GRIK5: variants seen among roughly 807,000 people sequenced by gnomAD.
The protein encoded by GRIK5 is glutamate receptor ionotropic, kainate 5.
A neutral mutation model predicts 97.4 loss-of-function variants in GRIK5; 43 were observed. The observed-to-expected ratio is 0.44, with a 90% confidence interval of 0.35 to 0.57. GRIK5 has a LOEUF of 0.57. Ranked by LOEUF, GRIK5 falls within the 20% of genes least tolerant of loss-of-function variation. GRIK5 has a pLI of 0.01. For synonymous variants in GRIK5, 580 were observed against 583.5 expected (o/e 0.99, Z 0.09); for missense variants, 1,015 against 1,382.0 (o/e 0.73, Z 4.21).
chr19:42,042,712 G>A lies in GRIK5; in HGVS notation c.1313C>T (p.Ser438Leu), dbSNP rs757841559. The change falls in exon 12 of 20, where the codon TCG (serine) becomes TTG (leucine). Residue 438 changes from serine to leucine, a missense_variant. Around this residue, in one of 5 missense-constraint regions of GRIK5, gnomAD observed 477 missense variants for 701.1 expected, o/e 0.68. Coordinates refer to ENST00000593562, the MANE Select transcript of GRIK5 (RefSeq NM_002088.5). The surrounding 1 kb of genome is among the most constrained non-coding windows in gnomAD (Gnocchi z 6.9). ...GAAGCCCTCGAAGCGTTCGTTCCCC[G>A]ACAGGGCCTGGAAGTTGGGCCGGCG... ...VMRRPNFQAL[S>L]GNERFEGFCV... 12 of 1,613,582 alleles carry A rather than the reference G, an allele frequency of 7.4e-6. No individual in the cohort carries two copies. Among genetic ancestry groups the A allele is most frequent in the Admixed American group, 1.7e-5 (1 of 59,984 alleles).
intron 15 of GRIK5, among the ~76,000 whole-genome samples, chr19:42,016,402 C>T (rs1382290006): frequency 1.8e-4 from 28 of 152,168 alleles, no homozygotes; most frequent in Admixed American, 1.8e-3. Context: ...GCCTGGGCAA[C>T]AAGAGCAAAA....
intron 12 of GRIK5, among the ~76,000 whole-genome samples, chr19:42,036,893 C>A (rs1568908253): frequency 6.6e-6 from 1 of 152,212 alleles, no homozygotes; most frequent in East Asian, 1.9e-4. Flanking sequence ...GTGCTGATCT[C>A]ATCTGTCCCC....
At position 42,065,639 on chromosome 19, in the gene GRIK5, CAG is replaced by C. The variant is rs1749224585; in HGVS notation, c.79+51_79+52del. 1 of 1,436,386 alleles carries C rather than the reference CAG, an allele frequency of 7.0e-7. No homozygotes were observed. The highest frequency in any genetic ancestry group is 9.5e-7 in the Non-Finnish European group (1 of 1,056,266). The allele number at this position is 1,436,386 out of a possible 1,614,324, so 89.0% of individuals were successfully genotyped here. On this transcript the variant is annotated intron_variant, in intron 2 of 19. Transcript: ENST00000593562. This position sits in a 1 kb window ranked among gnomAD's most constrained non-coding sequence, Gnocchi z 5.8. ...TGACGGACTGGCATGCCTGGGTCCC[CAG>C]AGGAGCCCCAGGGCCTGAGGATGCA...
intron 12 of GRIK5, among the ~76,000 whole-genome samples, chr19:42,029,918 G>A (rs553610819): frequency 6.6e-6 from 1 of 152,276 alleles, no homozygotes; most frequent in East Asian, 1.9e-4. Flanking sequence ...CCCCTCCTCA[G>A]CAGTCTGTCT....
chr19:42,029,678 G>A (rs1223472811), intron 12 of GRIK5, among the ~76,000 whole-genome samples: 3 of 152,120 alleles, frequency 2.0e-5, no homozygotes, highest in East Asian at 3.9e-4. Context: ...AATACTTTGC[G>A]AATGAATCTC....
At chr19:42,015,779 C>T (rs1418064820) in intron 15 of GRIK5, among the ~76,000 whole-genome samples, 1 of 152,142 alleles carries the variant, frequency 6.6e-6, no homozygotes, top group African/African-American at 2.4e-5. Context: ...CCCCCTCTGT[C>T]CTCCCTCCTG....
At chr19:42,047,972 C>CAAAAAAAAAAAAAAAAAAAAAA (rs552963887) in intron 11 of GRIK5, among the ~76,000 whole-genome samples, 1 of 54,952 alleles carries the variant, frequency 1.8e-5, no homozygotes, top group Non-Finnish European at 3.5e-5. Context: ...GACTCTGTCT[C>CAAAAAAAAAAAAAAAAAAAAAA]AAAAAAAAAA....
At position 42,048,009 on chromosome 19, in the gene GRIK5, G is replaced by C. The variant is rs970840429; in HGVS notation, c.1270-5254C>G. ...AAAAAAAAAGAAAAAAATGTATTTT[G>C]ACTCCCCTACCTCACATGCTACATA... is the stretch of plus-strand genomic sequence containing the variant. On this transcript the variant is annotated intron_variant, in intron 11 of 19. Transcript: ENST00000593562. Among the ~76,000 whole-genome samples the C allele has an allele frequency of 6.9e-5, 10 of 145,746 alleles. No homozygotes were observed. The Admixed American group carries it at 6.9e-4, about 10-fold the overall frequency.
chr19:42,004,150 G>A (rs782451924), intron 17 of GRIK5, among the ~76,000 whole-genome samples: 44 of 152,134 alleles, frequency 2.9e-4, no homozygotes, highest in Non-Finnish European at 4.7e-4. Context: ...GGCACCAAGC[G>A]CCCCACTCCC....
chr19:42,027,252 G>A (rs1281505897), intron 12 of GRIK5, among the ~76,000 whole-genome samples: 3 of 152,198 alleles, frequency 2.0e-5, no homozygotes, highest in African/African-American at 4.8e-5. Flanking sequence ...AGAGAGACTC[G>A]AGGGAGATGC....
intron 15 of GRIK5, among the ~76,000 whole-genome samples, chr19:42,009,802 C>CA (rs1202971995): frequency 3.4e-5 from 5 of 146,678 alleles, no homozygotes; most frequent in African/African-American, 1.0e-4. Flanking sequence ...CACAGTGGCT[C>CA]AGGCCTGTAA....
At chr19:42,052,896 T>A (rs1305799636) in intron 11 of GRIK5, among the ~76,000 whole-genome samples, 1 of 152,226 alleles carries the variant, frequency 6.6e-6, no homozygotes, top group East Asian at 1.9e-4. Context: ...CTGTGTGACC[T>A]GCTTCCTTAC....
chr19:42,068,348 C>G lies in GRIK5; in HGVS notation c.-51+893G>C, dbSNP rs1175372992. ...AGGAGATCCTGGGGCCTGAAAGCCC[C>G]CAGACATGGAGAGGAATGGGAGCAG... On this transcript the variant is annotated intron_variant, in intron 1 of 19. Coordinates refer to ENST00000593562, the MANE Select transcript of GRIK5 (RefSeq NM_002088.5). 1.8e-5 allele frequency: 3 copies of G among 166,186 alleles called. No homozygotes were observed. The East Asian group carries it at 4.7e-4, about 26-fold the overall frequency. 10.3% of individuals were successfully genotyped at this position (166,186 alleles called of 1,614,324 possible).
chr19:42,014,254 C>T (rs1023040255), intron 15 of GRIK5, among the ~76,000 whole-genome samples: 4 of 151,752 alleles, frequency 2.6e-5, no homozygotes, highest in Non-Finnish European at 4.4e-5. Flanking sequence ...ATTAGCCAGG[C>T]GTGCTGGCGT....
At position 41,999,952 on chromosome 19, in the gene GRIK5, C is replaced by T. The variant is rs141310414; in HGVS notation, c.2515-653G>A. 1.3e-5 allele frequency among the ~76,000 whole-genome samples: 2 copies of T among 152,298 alleles called. No individual in the cohort carries two copies. Among genetic ancestry groups the T allele is most frequent in the East Asian group, 3.9e-4 (2 of 5,190 alleles). ...GATCCTTAAATAAAGACAGGGTGAGCCACTGGAGACCTGGGAAGCCAGCCT... is the reference window on the plus strand; with the variant it reads ...GATCCTTAAATAAAGACAGGGTGAGTCACTGGAGACCTGGGAAGCCAGCCT... On this transcript the variant is annotated intron_variant, in intron 19 of 19. Coordinates refer to ENST00000593562, the MANE Select transcript of GRIK5 (RefSeq NM_002088.5). The surrounding 1 kb of genome is among the most constrained non-coding windows in gnomAD (Gnocchi z 5.0).
intron 15 of GRIK5, among the ~76,000 whole-genome samples, chr19:42,009,305 C>T (rs113876924): frequency 0.011 from 1,659 of 151,988 alleles, 33 homozygotes; most frequent in African/African-American, 0.038. Flanking sequence ...TGCAATGGCG[C>T]GATCTCGACT....
chr19:42,006,243 T>C lies in GRIK5; in HGVS notation c.2038-295A>G, dbSNP rs1342353786. Among the ~76,000 whole-genome samples the C allele has an allele frequency of 6.6e-6, 1 of 152,080 alleles. No homozygotes were observed. The highest frequency in any genetic ancestry group is 1.9e-4 in the East Asian group (1 of 5,176). The stretch of plus-strand genomic sequence containing the variant: ...GGCCGCTGCCCAACTCAGGCCTCCT[T>C]TAGACCACTAGGACCTCCCTGCCAA... On this transcript the variant is annotated intron_variant, in intron 16 of 19. Transcript: ENST00000593562. The surrounding 1 kb of genome is among the most constrained non-coding windows in gnomAD (Gnocchi z 5.3).
rs1251103933 is a variant in GRIK5, at chr19:42,065,953, C to T, written c.-50-133G>A. 8 of 603,156 alleles carry T rather than the reference C, an allele frequency of 1.3e-5. No homozygotes were observed. In the Admixed American group the frequency reaches 1.6e-4, roughly 12 times the overall value. 37.4% of individuals were successfully genotyped at this position (603,156 alleles called of 1,614,324 possible). ...CAAGCAGTTCACAGCTCTGCAGAGC[C>T]CTGCTCTGTTTAGAAGCTGGCAATA... is the stretch of plus-strand genomic sequence containing the variant. On this transcript the variant is annotated intron_variant, in intron 1 of 19. Coordinates refer to ENST00000593562, the MANE Select transcript of GRIK5 (RefSeq NM_002088.5). The surrounding 1 kb of genome is among the most constrained non-coding windows in gnomAD (Gnocchi z 5.8).
chr19:42,015,586 T>A (rs1018231190), intron 15 of GRIK5, among the ~76,000 whole-genome samples: 2 of 152,216 alleles, frequency 1.3e-5, no homozygotes, highest in African/African-American at 4.8e-5. Context: ...ACCTGTGAAG[T>A]TAGTACAATT....
Sources: allele counts gnomAD v4.1 joint callset (sites outside exome capture counted in the v4.1 genomes callset), GRCh38; gene constraint gnomAD v4.1.1; regional missense constraint gnomAD v4.1.1; non-coding constraint Gnocchi (gnomAD v3.1); transcripts MANE v1.5; gene names NCBI Gene and HGNC (gene_info 2026-07-23, HGNC 2026-07-21).